GRM1: variants seen among roughly 807,000 people sequenced by gnomAD.
GRM1 encodes the protein metabotropic glutamate receptor 1.
Under a neutral mutation model 90.9 loss-of-function variants are expected in GRM1, and 33 were observed. The ratio of observed to expected loss-of-function variants is 0.36; its 90% confidence interval spans 0.28 to 0.49. The LOEUF (loss-of-function observed/expected upper bound fraction) is 0.49. Ranked by LOEUF, GRM1 falls within the 20% of genes least tolerant of loss-of-function variation. GRM1 has a pLI of 0.99. For synonymous variants in GRM1, 700 were observed against 613.2 expected, an observed-to-expected ratio of 1.14 and a Z score of -2.09; for missense variants, 1,190 against 1,534.3, an observed-to-expected ratio of 0.78 and a Z score of 3.75.
At chr6:146,156,091 G>A (rs1777518137) in intron 1 of GRM1, among the ~76,000 whole-genome samples, 1 of 152,136 alleles carries the variant, frequency 6.6e-6, no homozygotes, top group Admixed American at 6.5e-5. Context: ...GTATGTGCCA[G>A]TCTCCTAGCT....
intron 1 of GRM1, among the ~76,000 whole-genome samples, chr6:146,096,559 T>G (rs1029552556): frequency 6.6e-6 from 1 of 152,198 alleles, no homozygotes; most frequent in African/African-American, 2.4e-5. Context: ...GCTACAATAT[T>G]AATCTCATGA....
At chr6:146,233,007 T>C (rs190242468) in intron 2 of GRM1, among the ~76,000 whole-genome samples, 2 of 152,088 alleles carry the variant, frequency 1.3e-5, no homozygotes, top group Non-Finnish European at 2.9e-5. Flanking sequence ...GTGTCTTTCC[T>C]TTCTTCTTGA....
intron 2 of GRM1, among the ~76,000 whole-genome samples, chr6:146,173,946 G>T (rs564875375): frequency 2.0e-5 from 3 of 152,010 alleles, no homozygotes; most frequent in African/African-American, 7.2e-5. Context: ...GTGAGCCACC[G>T]CACCTGGCTC....
At chr6:146,260,801 TG>T (rs1240923204) in intron 2 of GRM1, among the ~76,000 whole-genome samples, 66 of 143,562 alleles carry the variant, frequency 4.6e-4, no homozygotes, top group East Asian at 3.1e-3. Context: ...TTAGGTTATT[TG>T]GGTTTTTTTT....
rs969972035 is a variant in GRM1, at chr6:146,434,840, C to T, written c.*44C>T. Reference sequence around the variant, plus strand: ...GAAAAGCAAGACAAGCCAGAGATCTCCCACACCTCCAGAGATGTGCAAACA... The same window carrying T: ...GAAAAGCAAGACAAGCCAGAGATCTTCCACACCTCCAGAGATGTGCAAACA... On this transcript the variant is annotated 3_prime_UTR_variant, in exon 8 of 8. Coordinates refer to ENST00000282753, the MANE Select transcript of GRM1 (RefSeq NM_001278064.2). The T allele has an allele frequency of 1.3e-6, 2 of 1,495,602 alleles. No homozygotes were observed. Among genetic ancestry groups the T allele is most frequent in the Non-Finnish European group, 1.8e-6 (2 of 1,086,214 alleles). 92.6% of individuals were successfully genotyped at this position (1,495,602 alleles called of 1,614,324 possible).
At chr6:146,177,056 C>A (rs1778363717) in intron 2 of GRM1, among the ~76,000 whole-genome samples, 1 of 152,140 alleles carries the variant, frequency 6.6e-6, no homozygotes. Flanking sequence ...CCTTGTATTA[C>A]TAAATGGACT....
At chr6:146,429,361 G>A (rs1778324285) in intron 7 of GRM1, among the ~76,000 whole-genome samples, 1 of 152,202 alleles carries the variant, frequency 6.6e-6, no homozygotes, top group Non-Finnish European at 1.5e-5. Flanking sequence ...AGGCCCCCAA[G>A]TTTGAGAATA....
At chr6:146,209,616 A>G (rs370869691) in intron 2 of GRM1, among the ~76,000 whole-genome samples, 1 of 152,166 alleles carries the variant, frequency 6.6e-6, no homozygotes, top group Non-Finnish European at 1.5e-5. Context: ...GGCAAGTTAC[A>G]CAAAACAGAA....
intron 2 of GRM1, among the ~76,000 whole-genome samples, chr6:146,256,773 G>C (rs1253242937): frequency 3.3e-5 from 5 of 152,050 alleles, no homozygotes; most frequent in Non-Finnish European, 7.4e-5. Context: ...CTCTACTGTG[G>C]TCCGTCCTAT....
chr6:146,125,177 GA>G (rs891928211), intron 1 of GRM1, among the ~76,000 whole-genome samples: 6 of 151,454 alleles, frequency 4.0e-5, no homozygotes, highest in Admixed American at 2.0e-4. Flanking sequence ...CGTTCTCTAA[GA>G]AAAAAAATGG....
intron 2 of GRM1, among the ~76,000 whole-genome samples, chr6:146,178,888 G>A (rs1310793270): frequency 2.0e-5 from 3 of 152,108 alleles, no homozygotes; most frequent in Admixed American, 6.5e-5. Flanking sequence ...GTGAAGCTGG[G>A]TTAGGAACAT....
At chr6:146,131,151 A>T (rs1219653858) in intron 1 of GRM1, among the ~76,000 whole-genome samples, 1 of 152,202 alleles carries the variant, frequency 6.6e-6, no homozygotes, top group African/African-American at 2.4e-5. Flanking sequence ...TTACTCAGTT[A>T]AGACCTAGGC....
chr6:146,213,304 TG>T (rs969852672), intron 2 of GRM1, among the ~76,000 whole-genome samples: 1 of 151,714 alleles, frequency 6.6e-6, no homozygotes, highest in Non-Finnish European at 1.5e-5. Context: ...TGAGATTGGG[TG>T]GGGGGCGGTA....
chr6:146,060,957 T>C (rs1775645778), intron 1 of GRM1, among the ~76,000 whole-genome samples: 1 of 152,134 alleles, frequency 6.6e-6, no homozygotes, highest in Admixed American at 6.6e-5. Flanking sequence ...TGATGTGAGA[T>C]GGTATCTCAT....
chr6:146,294,099 A>G lies in GRM1; in HGVS notation c.951-10512A>G, dbSNP rs1304042747. On this transcript the variant is annotated intron_variant, in intron 2 of 7. Transcript: ENST00000282753. ...TCATTTTTATTACATCTTTCCCCCA[A>G]TTTTATTATTTTTTGCTTTATTTTA... is the stretch of plus-strand genomic sequence containing the variant. 2.0e-5 allele frequency among the ~76,000 whole-genome samples: 3 copies of G among 151,390 alleles called. No individual in the cohort carries two copies. In the East Asian group the frequency reaches 5.8e-4, roughly 29 times the overall value.
intron 3 of GRM1, among the ~76,000 whole-genome samples, chr6:146,321,588 TTA>T: frequency 6.6e-6 from 1 of 151,744 alleles, no homozygotes; most frequent in African/African-American, 2.4e-5. Flanking sequence ...CCCACTATTA[TTA>T]TGTGGGAGTC....
At chr6:146,045,735 A>T (rs13215078) in intron 1 of GRM1, among the ~76,000 whole-genome samples, 1 of 135,796 alleles carries the variant, frequency 7.4e-6, no homozygotes, top group African/African-American at 2.9e-5. Context: ...CTTTCTCACC[A>T]AAGTGGAATA....
intron 1 of GRM1, among the ~76,000 whole-genome samples, chr6:146,034,009 A>G (rs1790797650): frequency 6.6e-6 from 1 of 152,116 alleles, no homozygotes; most frequent in Non-Finnish European, 1.5e-5. Context: ...TTTATCATAT[A>G]GTAAGAAATA....
At chr6:146,032,956 TTTG>T (rs1258178851) in intron 1 of GRM1, among the ~76,000 whole-genome samples, 9 of 152,196 alleles carry the variant, frequency 5.9e-5, no homozygotes, top group Admixed American at 5.9e-4. Context: ...TATTTTCTGT[TTTG>T]TTTTGTGTTT....
Sources: allele counts gnomAD v4.1 joint callset (sites outside exome capture counted in the v4.1 genomes callset), GRCh38; gene constraint gnomAD v4.1.1; transcripts MANE v1.5; gene names NCBI Gene and HGNC (gene_info 2026-07-23, HGNC 2026-07-21).